Variants in MORC3 observed in about 807,000 individuals in gnomAD.
MORC3 encodes MORC family CW-type zinc finger 3.
Under a neutral mutation model 109.1 loss-of-function variants are expected in MORC3, and 31 were observed. That is an observed-to-expected ratio of 0.28 (90% CI 0.21 to 0.38). The LOEUF is 0.38. MORC3 is among the 10% of genes least tolerant of loss of function. The pLI is 1.00. For missense variants in MORC3, 867 were observed against 1,135.8 expected, an observed-to-expected ratio of 0.76 and a Z score of 3.40; for synonymous variants, 395 against 380.7, an observed-to-expected ratio of 1.04 and a Z score of -0.44.
intron 1 of MORC3, among the ~76,000 whole-genome samples, chr21:36,332,588 T>A (rs1183805756): frequency 6.6e-6 from 1 of 152,204 alleles, no homozygotes; most frequent in African/African-American, 2.4e-5. Context: ...TTAAATCAGC[T>A]GGTGACCTGT....
At chr21:36,322,710 GA>G (rs1252258185) in intron 1 of MORC3, among the ~76,000 whole-genome samples, 2 of 152,136 alleles carry the variant, frequency 1.3e-5, no homozygotes. Flanking sequence ...TAGGAGGTCG[GA>G]GATCCCAGGA....
chr21:36,346,425 C>T (rs1342658382), intron 8 of MORC3, among the ~76,000 whole-genome samples: 1 of 152,188 alleles, frequency 6.6e-6, no homozygotes, highest in East Asian at 1.9e-4. Context: ...GACACAGTGG[C>T]TCATTCCTGT....
At chr21:36,345,483 G>A (rs1263056419) in intron 8 of MORC3, among the ~76,000 whole-genome samples, 7 of 151,366 alleles carry the variant, frequency 4.6e-5, no homozygotes, top group African/African-American at 9.7e-5. Context: ...GTGCAGTGGC[G>A]ATATCTCGGC....
Position 36,338,798 on chromosome 21 carries a change from C to T in MORC3, c.485C>T (p.Ser162Leu). 1 of 1,613,608 alleles carries T rather than the reference C, an allele frequency of 6.2e-7. No individual in the cohort carries two copies. Among genetic ancestry groups the T allele is most frequent in the African/African-American group, 1.3e-5 (1 of 75,046 alleles). ...KHRQMINLAESKASLAAILEH... is the reference protein window; with the variant it reads ...KHRQMINLAELKASLAAILEH... ...CGACAGATGATTAATTTAGCAGAAT[C>T]AAAAGCCAGCCTTGCTGCAATTCTG... The change falls in exon 5 of 17, where the codon TCA (serine) becomes TTA (leucine). Residue 162 changes from serine (S) to leucine (L), a missense_variant. Ser to Leu is a moderately radical substitution (Grantham distance 145). Coordinates refer to ENST00000400485, the MANE Select transcript of MORC3 (RefSeq NM_015358.3).
Position 36,364,269 on chromosome 21 carries a change from T to A in MORC3, c.1619+10T>A. The A allele has an allele frequency of 2.5e-6, 4 of 1,611,028 alleles. No individual in the cohort carries two copies. Among genetic ancestry groups the A allele is most frequent in the Non-Finnish European group, 1.7e-6 (2 of 1,179,104 alleles). ...AACCTGAGAGCAACAGGTCAGTGGC[T>A]AAGATTGGTTTTCCATTTGGGGAAT... is the stretch of plus-strand genomic sequence containing the variant. On this transcript the variant is annotated intron_variant, in intron 14 of 16. Transcript: ENST00000400485.
intron 2 of MORC3, among the ~76,000 whole-genome samples, chr21:36,333,937 C>G (rs574470811): frequency 6.6e-6 from 1 of 151,920 alleles, no homozygotes; most frequent in Non-Finnish European, 1.5e-5. Context: ...CACCTGCCAC[C>G]ACGACCAGCT....
At chr21:36,362,333 A>G (rs370164353) in intron 13 of MORC3, 105 bp downstream of exon 13, 123 of 1,258,828 alleles carry the variant, frequency 9.8e-5, no homozygotes, top group South Asian at 5.0e-4. Flanking sequence ...ACCTGAGGTC[A>G]GGAGTTCAAG....
chr21:36,369,010 C>T lies in MORC3; in HGVS notation c.1642C>T (p.Arg548Cys), dbSNP rs200106421. ...CAGCTTGAAACGGAGACTTTCTACT[C>T]GTTCCTCAATTTTGAATGCAAAGAA... ...SNSLKRRLST[R>C]SSILNAKNRR... The change falls in exon 15 of 17, where the codon CGT becomes TGT. Residue 548 changes from arginine (R) to cysteine (C), a missense_variant. Around this residue, in one of 7 missense-constraint regions of MORC3, gnomAD observed 486 missense variants for 502.1 expected, o/e 0.97. Coordinates refer to ENST00000400485, the MANE Select transcript of MORC3 (RefSeq NM_015358.3). 1.6e-4 allele frequency: 261 copies of T among 1,609,486 alleles called. No homozygotes were observed. Among genetic ancestry groups the T allele is most frequent in the Non-Finnish European group, 1.7e-4 (198 of 1,177,256 alleles).
intron 16 of MORC3, 97 bp downstream of exon 16, chr21:36,372,628 C>G (rs1476039862): frequency 1.6e-6 from 2 of 1,254,238 alleles, no homozygotes; most frequent in Non-Finnish European, 2.1e-6. Flanking sequence ...ACTGTTCTGT[C>G]AAAAGAAGTT....
At chr21:36,359,684 G>A (rs1391209922) in intron 10 of MORC3, among the ~76,000 whole-genome samples, 2 of 150,640 alleles carry the variant, frequency 1.3e-5, no homozygotes, top group South Asian at 2.1e-4. Context: ...CTCCCAAGTA[G>A]CAGGGACCAC....
At chr21:36,364,543 G>A (rs902271270) in intron 14 of MORC3, among the ~76,000 whole-genome samples, 8 of 151,526 alleles carry the variant, frequency 5.3e-5, no homozygotes, top group Non-Finnish European at 8.8e-5. Flanking sequence ...AATTAACCAG[G>A]CGTGGTGGCG....
intron 10 of MORC3, 37 bp from the exon 11 acceptor site, chr21:36,359,918 A>G: frequency 1.2e-6 from 2 of 1,611,350 alleles, no homozygotes; most frequent in Non-Finnish European, 8.5e-7. Flanking sequence ...TAGAGTCCAT[A>G]TTTCTGTGTT....
chr21:36,320,406 G>T, intron 1 of MORC3, 103 bp downstream of exon 1: 1 of 1,137,404 alleles, frequency 8.8e-7, no homozygotes, highest in Non-Finnish European at 1.1e-6. Context: ...GGCCGACGCG[G>T]CGGCGGGGGC....
At chr21:36,362,048 C>G in intron 12 of MORC3, 135 bp from the exon 13 acceptor site, 1 of 950,738 alleles carries the variant, frequency 1.1e-6, no homozygotes, top group Non-Finnish European at 1.6e-6. Flanking sequence ...GAAAGTATTT[C>G]CTGAAGGGCT....
chr21:36,334,049 A>G (rs1050508344), intron 2 of MORC3, among the ~76,000 whole-genome samples: 7 of 151,902 alleles, frequency 4.6e-5, no homozygotes, highest in Non-Finnish European at 1.0e-4. Context: ...AGCCTCCCAA[A>G]GTGCTGGGAT....
chr21:36,373,131 G>A lies in MORC3; in HGVS notation c.2666+600G>A, dbSNP rs537441046. Among the ~76,000 whole-genome samples, 7 of 152,314 alleles carry A rather than the reference G, an allele frequency of 4.6e-5. No homozygotes were observed. The South Asian group carries it at 1.4e-3, about 32-fold the overall frequency. On this transcript the variant is annotated intron_variant, in intron 16 of 16. Coordinates refer to ENST00000400485, the MANE Select transcript of MORC3 (RefSeq NM_015358.3). ...GAGTTGGGCGGATCACCTGAGGTCA[G>A]GAGTTCAAGACCAGCCTGGCCAACA...
At chr21:36,370,684 GAGACAGA>G (rs2085854866) in intron 15 of MORC3, among the ~76,000 whole-genome samples, 1 of 64,712 alleles carries the variant, frequency 1.5e-5, no homozygotes, top group Non-Finnish European at 2.9e-5. Context: ...TCTTCTTCTT[GAGACAGA>G]ATTTCGCTCT....
chr21:36,358,814 G>A (rs1449451529), intron 10 of MORC3, among the ~76,000 whole-genome samples: 1 of 151,758 alleles, frequency 6.6e-6, no homozygotes, highest in African/African-American at 2.4e-5. Context: ...TGAATAGCTG[G>A]GACTACAGGA....
At chr21:36,349,263 A>C (rs778126398) in intron 8 of MORC3, 48 bp from the exon 9 acceptor site, 1 of 1,219,778 alleles carries the variant, frequency 8.2e-7, no homozygotes, top group Non-Finnish European at 1.2e-6. Context: ...AATTATTTTG[A>C]GCATCATGTC....
Sources: gnomAD v4.1 joint callset for allele counts (sites outside exome capture counted in the v4.1 genomes callset) on GRCh38, gnomAD v4.1.1 for gene constraint, gnomAD v4.1.1 regional missense constraint, MANE v1.5 for transcripts, NCBI Gene and HGNC (gene_info 2026-07-23, HGNC 2026-07-21) for gene names.